Variants in NAA38 observed in about 807,000 individuals in gnomAD.
The protein encoded by NAA38 is N-alpha-acetyltransferase 38, NatC auxiliary subunit.
NAA38 carries 15 observed loss-of-function variants against 12.6 expected under a neutral mutation model. That is an observed-to-expected ratio of 1.19 (90% CI 0.79 to 1.83). NAA38 has a LOEUF of 1.83. NAA38 is among the 40% of genes most tolerant of loss of function. The pLI, the probability that NAA38 is intolerant of heterozygous loss-of-function variation, is 0.00. For missense variants in NAA38, 183 were observed against 171.7 expected, an observed-to-expected ratio of 1.07 and a Z score of -0.37; for synonymous variants, 88 against 69.9, an observed-to-expected ratio of 1.26 and a Z score of -1.29.
At chr17:7,869,394 G>A (rs954162916) in intron 2 of NAA38, among the ~76,000 whole-genome samples, 3 of 152,054 alleles carry the variant, frequency 2.0e-5, no homozygotes, top group Admixed American at 6.6e-5. Flanking sequence ...ATACATTTTA[G>A]GAGTTCTACA....
At chr17:7,882,436 A>G (rs1967290774) in intron 2 of NAA38, among the ~76,000 whole-genome samples, 2 of 152,222 alleles carry the variant, frequency 1.3e-5, no homozygotes, top group Non-Finnish European at 2.9e-5. Flanking sequence ...ACAGAGATGG[A>G]AAGTCACGTA....
intron 2 of NAA38, among the ~76,000 whole-genome samples, chr17:7,868,315 C>G (rs887572492): frequency 6.6e-6 from 1 of 152,104 alleles, no homozygotes; most frequent in Non-Finnish European, 1.5e-5. Context: ...ACAGAGGTCA[C>G]GTAAGATGAA....
chr17:7,871,047 G>A (rs1967077562), intron 2 of NAA38, among the ~76,000 whole-genome samples: 1 of 152,146 alleles, frequency 6.6e-6, no homozygotes, highest in African/African-American at 2.4e-5. Context: ...TTTCTAAAAA[G>A]ATGCCACACC....
At chr17:7,882,538 G>A (rs1280664950) in intron 2 of NAA38, among the ~76,000 whole-genome samples, 1 of 152,038 alleles carries the variant, frequency 6.6e-6, no homozygotes, top group African/African-American at 2.4e-5. Context: ...AATATAGAAA[G>A]GGGGGGATAA....
chr17:7,860,851 TG>T (rs1165745473), upstream of NAA38: 1 of 152,140 alleles, frequency 6.6e-6, no homozygotes, highest in African/African-American at 2.4e-5. Flanking sequence ...CCTGACCTTT[TG>T]GGGCAAAGAG....
At chr17:7,859,960 G>A (rs139520724), upstream of NAA38, 125 of 240,552 alleles carry the variant, frequency 5.2e-4, 1 homozygote, top group African/African-American at 2.7e-3. Flanking sequence ...TGGCAATGAT[G>A]GAAATGAGAT....
At chr17:7,880,883 A>G (rs1056542368) in intron 2 of NAA38, among the ~76,000 whole-genome samples, 6 of 152,168 alleles carry the variant, frequency 3.9e-5, no homozygotes, top group African/African-American at 1.4e-4. Flanking sequence ...ACTGGTAGTG[A>G]ACGCATGCAA....
At chr17:7,859,306 G>A, upstream of NAA38, 1 of 1,203,344 alleles carries the variant, frequency 8.3e-7, no homozygotes, top group Non-Finnish European at 1.2e-6. Flanking sequence ...TGCCAAGGGA[G>A]GCACTTTGAT....
intron 1 of NAA38, 90 bp from the exon 2 acceptor site, chr17:7,857,288 A>AC: frequency 6.2e-7 from 1 of 1,611,438 alleles, no homozygotes; most frequent in Non-Finnish European, 8.5e-7. Flanking sequence ...GGGCACTCAC[A>AC]CAAAGCCCAG....
chr17:7,860,697 T>C (rs748212630), upstream of NAA38: 2 of 152,216 alleles, frequency 1.3e-5, no homozygotes, highest in Non-Finnish European at 2.9e-5. Context: ...ATTGTGGTCC[T>C]ATTGTATAGT....
At chr17:7,883,633 C>T (rs1325207441) in intron 1 of NAA38, among the ~76,000 whole-genome samples, 2 of 152,100 alleles carry the variant, frequency 1.3e-5, no homozygotes, top group Non-Finnish European at 2.9e-5. Flanking sequence ...ACTAGGATTT[C>T]TATCACTTTT....
At chr17:7,879,005 TATAA>T (rs1301896163) in intron 2 of NAA38, among the ~76,000 whole-genome samples, 4 of 151,000 alleles carry the variant, frequency 2.6e-5, no homozygotes, top group Non-Finnish European at 4.4e-5. Flanking sequence ...ATTTATCCTA[TATAA>T]ATATACTGTA....
At chr17:7,868,567 C>T (rs1196536005) in intron 2 of NAA38, among the ~76,000 whole-genome samples, 1 of 152,134 alleles carries the variant, frequency 6.6e-6, no homozygotes, top group Non-Finnish European at 1.5e-5. Flanking sequence ...ACAGGCAAGA[C>T]CCAGGACATG....
chr17:7,885,023 T>C (rs1382132015), intron 1 of NAA38: 32 of 1,192,640 alleles, frequency 2.7e-5, no homozygotes, highest in Non-Finnish European at 3.2e-5. Flanking sequence ...CTGCCACCTC[T>C]TCCCGCCGCC....
At chr17:7,857,356 A>G (rs779995030) in intron 1 of NAA38, 27 bp downstream of exon 1, 3 of 1,612,868 alleles carry the variant, frequency 1.9e-6, no homozygotes, top group African/African-American at 1.3e-5. Flanking sequence ...ACTGCCCCTC[A>G]GTCCCAGAAC....
chr17:7,881,817 G>C (rs1025231809), intron 2 of NAA38, among the ~76,000 whole-genome samples: 2 of 150,768 alleles, frequency 1.3e-5, no homozygotes, highest in Non-Finnish European at 3.0e-5. Context: ...GGCTAAAAAA[G>C]TGATAGAGAC....
chr17:7,883,440 C>T (rs1302946368), intron 1 of NAA38: 1 of 152,084 alleles, frequency 6.6e-6, no homozygotes, highest in Non-Finnish European at 1.5e-5. Flanking sequence ...TTTCTCAAGT[C>T]AGTTGAATTT....
chr17:7,875,918 TCTTA>T (rs1245330933), intron 2 of NAA38, among the ~76,000 whole-genome samples: 1 of 152,256 alleles, frequency 6.6e-6, no homozygotes, highest in Non-Finnish European at 1.5e-5. Flanking sequence ...GTCTAACTTC[TCTTA>T]CTTAGCATAA....
At chr17:7,867,614 G>C (rs1227228882) in intron 2 of NAA38, among the ~76,000 whole-genome samples, 8 of 152,320 alleles carry the variant, frequency 5.3e-5, no homozygotes, top group Admixed American at 2.0e-4. Flanking sequence ...TTACAGGTGT[G>C]AGCCACTGTA....
Sources: allele counts gnomAD v4.1 joint callset (sites outside exome capture counted in the v4.1 genomes callset), GRCh38; gene constraint gnomAD v4.1.1; transcripts MANE v1.5; gene names NCBI Gene and HGNC (gene_info 2026-07-23, HGNC 2026-07-21).